Variants in ADGRB3 observed in about 807,000 individuals in gnomAD.
The protein encoded by ADGRB3 is adhesion G protein-coupled receptor B3, also known as brain-specific angiogenesis inhibitor 3.
Under a neutral mutation model 193.4 loss-of-function variants are expected in ADGRB3, and 37 were observed. The ratio of observed to expected loss-of-function variants is 0.19; its 90% CI spans 0.15 to 0.25. The LOEUF (loss-of-function observed/expected upper bound fraction) is 0.25. Among genes scored for constraint, ADGRB3 ranks in the 10% least tolerant of loss-of-function variants. The pLI is 1.00. For synonymous variants in ADGRB3, 690 were observed against 644.2 expected, an observed-to-expected ratio of 1.07 and a Z score of -1.08; for missense variants, 1,637 against 1,852.9, an observed-to-expected ratio of 0.88 and a Z score of 2.14.
chr6:68,912,249 A>T (rs1014912675), intron 3 of ADGRB3, among the ~76,000 whole-genome samples: 4 of 151,112 alleles, frequency 2.6e-5, no homozygotes, highest in Admixed American at 1.3e-4. Context: ...TAAATTACTG[A>T]TTTTTTTTTC....
chr6:69,210,120 A>G (rs1765625981), intron 17 of ADGRB3, among the ~76,000 whole-genome samples: 1 of 128,678 alleles, frequency 7.8e-6, no homozygotes, highest in Non-Finnish European at 1.6e-5. Flanking sequence ...ACACACACAC[A>G]CTCATATATA....
chr6:69,278,903 CATT>C (rs1767358478), intron 20 of ADGRB3, among the ~76,000 whole-genome samples: 1 of 151,310 alleles, frequency 6.6e-6, no homozygotes, highest in African/African-American at 2.4e-5. Context: ...TTTAAACTAT[CATT>C]AATATCATAT....
chr6:69,034,299 T>A (rs1403793613), intron 13 of ADGRB3, among the ~76,000 whole-genome samples: 2 of 151,802 alleles, frequency 1.3e-5, no homozygotes, highest in Non-Finnish European at 2.9e-5. Context: ...TAACTCCAAA[T>A]ACTTACCTTA....
chr6:68,987,075 A>G (rs1456016286), intron 10 of ADGRB3, among the ~76,000 whole-genome samples: 1 of 152,124 alleles, frequency 6.6e-6, no homozygotes, highest in African/African-American at 2.4e-5. Flanking sequence ...AGTAGTAAAT[A>G]TGAATGACAC....
At chr6:69,097,480 C>T (rs1772915785) in intron 17 of ADGRB3, among the ~76,000 whole-genome samples, 2 of 152,252 alleles carry the variant, frequency 1.3e-5, no homozygotes, top group Admixed American at 1.3e-4. Context: ...TGCAATATAT[C>T]TAACCATTCA....
At chr6:68,699,345 T>G (rs1269457082) in intron 3 of ADGRB3, among the ~76,000 whole-genome samples, 5 of 152,084 alleles carry the variant, frequency 3.3e-5, no homozygotes, top group African/African-American at 1.2e-4. Flanking sequence ...GTTCCTAGAA[T>G]TTTTCAGAGA....
chr6:68,703,587 A>T (rs2746130), intron 3 of ADGRB3, among the ~76,000 whole-genome samples: 58,135 of 151,920 alleles, frequency 0.38, 11,689 homozygotes, highest in East Asian at 0.6. Context: ...AATACCTAAA[A>T]TATTAAATAA....
intron 10 of ADGRB3, among the ~76,000 whole-genome samples, chr6:68,992,818 C>G (rs1021956370): frequency 1.3e-5 from 2 of 152,114 alleles, no homozygotes; most frequent in Non-Finnish European, 2.9e-5. Context: ...TTTGTTGGCA[C>G]AGTTCTTGAT....
At chr6:69,293,142 T>A (rs1038038249) in intron 20 of ADGRB3, among the ~76,000 whole-genome samples, 2 of 152,228 alleles carry the variant, frequency 1.3e-5, no homozygotes, top group Non-Finnish European at 2.9e-5. Flanking sequence ...CCCATACATC[T>A]ATGTCTCATG....
At chr6:68,656,795 C>T (rs1299564610) in intron 3 of ADGRB3, among the ~76,000 whole-genome samples, 2 of 151,560 alleles carry the variant, frequency 1.3e-5, no homozygotes, top group East Asian at 1.9e-4. Flanking sequence ...CTGCTTTCCA[C>T]TAGTATGACC....
intron 29 of ADGRB3, among the ~76,000 whole-genome samples, chr6:69,368,294 AG>A (rs1447720005): frequency 6.6e-6 from 1 of 152,172 alleles, no homozygotes; most frequent in Non-Finnish European, 1.5e-5. Context: ...GATAACAGTC[AG>A]AAAGCTGCTG....
chr6:68,773,114 T>TAAAC (rs1314045937), intron 3 of ADGRB3, among the ~76,000 whole-genome samples: 3 of 151,550 alleles, frequency 2.0e-5, no homozygotes, highest in African/African-American at 2.4e-5. Flanking sequence ...GGATCTGTCT[T>TAAAC]AAACAAACAA....
At position 69,289,674 on chromosome 6, in the gene ADGRB3, G is replaced by A. The variant is rs1489030438; in HGVS notation, c.2815-35198G>A. 5.9e-5 allele frequency among the ~76,000 whole-genome samples: 9 copies of A among 152,238 alleles called. No individual in the cohort carries two copies. The East Asian group carries it at 1.7e-3, about 29-fold the overall frequency. ...CCAAGGCATTTGATCTTTGGCAAAT[G>A]AATGCGTGCTTTTCTGTTCCCATAA... is the stretch of plus-strand genomic sequence containing the variant. On this transcript the variant is annotated intron_variant, in intron 20 of 31. Coordinates refer to ENST00000370598, the MANE Select transcript of ADGRB3 (RefSeq NM_001704.3).
At chr6:68,978,866 A>G (rs1305506446) in intron 10 of ADGRB3, among the ~76,000 whole-genome samples, 1 of 151,404 alleles carries the variant, frequency 6.6e-6, no homozygotes, top group Admixed American at 6.6e-5. Context: ...TCTACTGTAG[A>G]AAAATATTTA....
intron 17 of ADGRB3, among the ~76,000 whole-genome samples, chr6:69,201,823 T>C (rs1765423178): frequency 6.6e-6 from 1 of 152,112 alleles, no homozygotes; most frequent in African/African-American, 2.4e-5. Flanking sequence ...TCCAGGATAT[T>C]CCTACCCCTT....
At chr6:69,162,455 A>T (rs952029546) in intron 17 of ADGRB3, among the ~76,000 whole-genome samples, 1 of 152,122 alleles carries the variant, frequency 6.6e-6, no homozygotes, top group Non-Finnish European at 1.5e-5. Context: ...GACAGAGAGA[A>T]GCGCAGCCTG....
chr6:69,100,810 AAAGG>A (rs1196039973), intron 17 of ADGRB3, among the ~76,000 whole-genome samples: 2 of 55,096 alleles, frequency 3.6e-5, no homozygotes. Flanking sequence ...AAAAAAAGAC[AAAGG>A]AAGGAAGGAA....
At chr6:68,648,395 A>G (rs1768265751) in intron 3 of ADGRB3, among the ~76,000 whole-genome samples, 1 of 151,990 alleles carries the variant, frequency 6.6e-6, no homozygotes, top group African/African-American at 2.4e-5. Flanking sequence ...TTTACCTGCT[A>G]ACTTAATCCT....
At chr6:69,002,936 G>A (rs1057331347) in intron 11 of ADGRB3, among the ~76,000 whole-genome samples, 1 of 152,158 alleles carries the variant, frequency 6.6e-6, no homozygotes, top group Non-Finnish European at 1.5e-5. Flanking sequence ...GGGAATGGAA[G>A]CAGGGGAGTA....
Sources: allele counts gnomAD v4.1 joint callset (sites outside exome capture counted in the v4.1 genomes callset), GRCh38; gene constraint gnomAD v4.1.1; transcripts MANE v1.5; gene names NCBI Gene and HGNC (gene_info 2026-07-23, HGNC 2026-07-21).